NPAS3: variants seen among roughly 807,000 people sequenced by gnomAD.
The protein encoded by NPAS3 is neuronal PAS domain protein 3, also known as neuronal PAS domain-containing protein 3.
In NPAS3, 14 loss-of-function variants were observed where a neutral mutation model predicts 73.1. The observed-to-expected ratio is 0.19, with a 90% CI of 0.13 to 0.30. The LOEUF is 0.30. Ranked by LOEUF, NPAS3 falls within the 10% of genes least tolerant of loss-of-function variation. The probability of loss-of-function intolerance (pLI) is 1.00; values close to 1 mark genes in which losing one functional copy is unlikely to be tolerated. For synonymous variants in NPAS3, 620 were observed against 541.5 expected (o/e 1.14, Z -2.01); for missense variants, 1,096 against 1,250.0 (o/e 0.88, Z 1.86).
chr14:32,961,269 G>A (rs901813066), intron 1 of NPAS3, among the ~76,000 whole-genome samples: 3 of 151,922 alleles, frequency 2.0e-5, no homozygotes, highest in Admixed American at 1.3e-4. Flanking sequence ...AAAATTAGCC[G>A]GGTGTGGTGG....
chr14:33,717,421 G>C (rs1351042439), intron 6 of NPAS3, among the ~76,000 whole-genome samples: 2 of 151,770 alleles, frequency 1.3e-5, no homozygotes, highest in Admixed American at 1.3e-4. Context: ...TTCAGAGCAG[G>C]GTGAAAGTGA....
chr14:33,352,346 C>A (rs1209121207), intron 3 of NPAS3, among the ~76,000 whole-genome samples: 1 of 152,182 alleles, frequency 6.6e-6, no homozygotes, highest in African/African-American at 2.4e-5. Flanking sequence ...TCTTCGTCGT[C>A]AAAAGCATCT....
At chr14:33,354,673 A>C (rs2045249691) in intron 3 of NPAS3, among the ~76,000 whole-genome samples, 1 of 152,092 alleles carries the variant, frequency 6.6e-6, no homozygotes, top group Non-Finnish European at 1.5e-5. Context: ...TCTTCTCCTT[A>C]ACACCTCCCT....
chr14:33,682,793 G>A (rs1002938441), intron 6 of NPAS3, among the ~76,000 whole-genome samples: 1 of 152,176 alleles, frequency 6.6e-6, no homozygotes, highest in Non-Finnish European at 1.5e-5. Flanking sequence ...CATTTGCAAA[G>A]CAAACTGTAC....
At position 33,235,805 on chromosome 14, in the gene NPAS3, CTTTTT is replaced by C. The variant is rs35968798; in HGVS notation, c.385+20399_385+20403del. Among the ~76,000 whole-genome samples the C allele has an allele frequency of 1.7e-4, 14 of 80,632 alleles. No homozygotes were observed. In the Admixed American group the frequency reaches 1.9e-3, roughly 11 times the overall value. The allele number at this position is 80,632 out of a possible 152,430, so 52.9% of individuals were successfully genotyped here. A position where few individuals can be genotyped will look rare whatever the true frequency, so the allele number is the denominator to read the frequency against. ...GACTAAAAGTTCTGTTGATACAATT[CTTTTT>C]TTTTTTTTTTTTTTTTTTTGAGACA... On this transcript the variant is annotated intron_variant, in intron 3 of 11. Transcript: ENST00000356141.
At chr14:33,540,023 C>A (rs1354471611) in intron 4 of NPAS3, among the ~76,000 whole-genome samples, 1 of 151,856 alleles carries the variant, frequency 6.6e-6, no homozygotes, top group Admixed American at 6.6e-5. Context: ...GTTGCTTTCT[C>A]TTTTTTGGCA....
rs940200005 is a variant in NPAS3, at chr14:33,301,320, ATATTTTTTTT to A, written c.386-65864_386-65855del. Reference sequence around the variant, plus strand: ...AGGTTTTATCATTATATATATATATATATTTTTTTTTTTTAAATCTAGCTGTAATGGGTTA... The same window carrying A: ...AGGTTTTATCATTATATATATATATATTTTAAATCTAGCTGTAATGGGTTA... On this transcript the variant is annotated intron_variant, in intron 3 of 11. Coordinates refer to ENST00000356141, the Ensembl canonical transcript of NPAS3. Among the ~76,000 whole-genome samples the A allele has an allele frequency of 2.8e-4, 28 of 100,018 alleles. 5 individuals are homozygous for A. The highest frequency in any genetic ancestry group is 7.7e-4 in the African/African-American group (19 of 24,718). The allele number at this position is 100,018 out of a possible 152,430, so 65.6% of individuals were successfully genotyped here. A position where few individuals can be genotyped will look rare whatever the true frequency, so the allele number is the denominator to read the frequency against.
chr14:33,599,521 C>T (rs555274719), intron 5 of NPAS3, among the ~76,000 whole-genome samples: 1 of 152,252 alleles, frequency 6.6e-6, no homozygotes, highest in South Asian at 2.1e-4. Context: ...GTCATTATAG[C>T]TTTAGACAGA....
intron 9 of NPAS3, among the ~76,000 whole-genome samples, chr14:33,781,499 A>G (rs2062977971): frequency 1.3e-5 from 2 of 152,262 alleles, no homozygotes; most frequent in African/African-American, 4.8e-5. Context: ...TTGCTTTTCC[A>G]AAGCCCTAGG....
chr14:33,244,465 G>T (rs1403010398), intron 3 of NPAS3, among the ~76,000 whole-genome samples: 2 of 151,718 alleles, frequency 1.3e-5, no homozygotes, highest in African/African-American at 4.8e-5. Context: ...ATAAACACTT[G>T]TGGCTTCTGC....
At chr14:33,489,901 T>G (rs989957368) in intron 4 of NPAS3, among the ~76,000 whole-genome samples, 3 of 152,222 alleles carry the variant, frequency 2.0e-5, no homozygotes, top group Non-Finnish European at 2.9e-5. Context: ...TGCTTTTTAT[T>G]GATTTTTCAT....
chr14:33,098,468 C>T (rs2042487596), intron 2 of NPAS3, among the ~76,000 whole-genome samples: 1 of 152,140 alleles, frequency 6.6e-6, no homozygotes, highest in South Asian at 2.1e-4. Flanking sequence ...CTGTCCTAGA[C>T]ACTTTGCCTA....
chr14:33,361,426 T>A (rs1400370840), intron 3 of NPAS3, among the ~76,000 whole-genome samples: 1 of 152,076 alleles, frequency 6.6e-6, no homozygotes, highest in African/African-American at 2.4e-5. Context: ...ACAGATCAAT[T>A]AGACATTGTA....
chr14:33,623,767 C>T (rs764398194), intron 5 of NPAS3, among the ~76,000 whole-genome samples: 6 of 152,232 alleles, frequency 3.9e-5, no homozygotes, highest in Admixed American at 6.5e-5. Context: ...CACTTCCATC[C>T]AGCCATCCTG....
rs142010186 is a variant in NPAS3 at position 33,626,441 on chromosome 14, G to A, written c.559-49770G>A. ...TACAAGACTTTAAAAATTCTCCAGG[G>A]GTGTATACGTCCCACTGTGTTTGAG... is the stretch of plus-strand genomic sequence containing the variant. On this transcript the variant is annotated intron_variant, in intron 5 of 11. Coordinates refer to ENST00000356141, the Ensembl canonical transcript of NPAS3. Among the ~76,000 whole-genome samples the A allele has an allele frequency of 1.9e-3, 286 of 152,170 alleles. 1 individual carries two copies. The highest frequency in any genetic ancestry group is 6.2e-3 in the African/African-American group (257 of 41,520).
intron 1 of NPAS3, among the ~76,000 whole-genome samples, chr14:32,982,282 C>G (rs1025330206): frequency 1.3e-5 from 2 of 152,226 alleles, no homozygotes; most frequent in African/African-American, 4.8e-5. Flanking sequence ...AGATGGAGCC[C>G]TGATGGCCTA....
chr14:33,084,166 A>G (rs1359091743), intron 2 of NPAS3, among the ~76,000 whole-genome samples: 5 of 152,228 alleles, frequency 3.3e-5, no homozygotes, highest in Admixed American at 6.5e-5. Context: ...TAACACCTGT[A>G]TTGAATTGGC....
At chr14:33,003,638 G>T (rs2038888369) in intron 1 of NPAS3, among the ~76,000 whole-genome samples, 1 of 152,146 alleles carries the variant, frequency 6.6e-6, no homozygotes, top group Non-Finnish European at 1.5e-5. Context: ...GGTTATTTTG[G>T]TTTAGAAGAA....
chr14:33,203,474 C>G (rs1305692443), intron 2 of NPAS3, among the ~76,000 whole-genome samples: 1 of 152,034 alleles, frequency 6.6e-6, no homozygotes, highest in Non-Finnish European at 1.5e-5. Flanking sequence ...CTCCCCACTC[C>G]CCACACCCCA....
Sources: allele counts gnomAD v4.1 joint callset (sites outside exome capture counted in the v4.1 genomes callset), GRCh38; gene constraint gnomAD v4.1.1; transcripts MANE v1.5; gene names NCBI Gene and HGNC (gene_info 2026-07-23, HGNC 2026-07-21).